The following AP3D1 variants were observed in gnomAD, a reference collection of about 807,000 sequenced individuals.
The protein encoded by AP3D1 is AP-3 complex subunit delta-1.
AP3D1 carries 51 observed loss-of-function variants against 147.6 expected under a neutral mutation model. The ratio of observed to expected loss-of-function variants is 0.35; its 90% CI spans 0.28 to 0.44. AP3D1 has a LOEUF of 0.44. Among genes scored for constraint, AP3D1 ranks in the 20% least tolerant of loss-of-function variants. The probability of loss-of-function intolerance (pLI) is 1.00; values close to 1 mark genes in which losing one functional copy is unlikely to be tolerated. For synonymous variants in AP3D1, 760 were observed against 663.0 expected (o/e 1.15, Z -2.25); for missense variants, 1,421 against 1,624.2 (o/e 0.87, Z 2.15).
chr19:2,142,282 G>C (rs934164446), intron 1 of AP3D1, among the ~76,000 whole-genome samples: 4 of 151,720 alleles, frequency 2.6e-5, no homozygotes, highest in African/African-American at 7.3e-5. Context: ...CAAAGTGCTG[G>C]GATTTACAGG....
chr19:2,118,499 C>T (rs747185310), intron 15 of AP3D1, 102 bp downstream of exon 15: 7 of 1,141,850 alleles, frequency 6.1e-6, no homozygotes, highest in Non-Finnish European at 8.6e-6. Flanking sequence ...CAGTGAGTGG[C>T]TTCGGAAGAG....
intron 26 of AP3D1, 181 bp from the exon 27 acceptor site, chr19:2,111,077 G>T: frequency 1.1e-6 from 1 of 910,570 alleles, no homozygotes; most frequent in Non-Finnish European, 1.6e-6. Flanking sequence ...AGTGCATGGC[G>T]GGGACCCTCC....
chr19:2,102,987 G>C (rs2018000885), intron 31 of AP3D1, among the ~76,000 whole-genome samples: 1 of 151,850 alleles, frequency 6.6e-6, no homozygotes, highest in Non-Finnish European at 1.5e-5. Flanking sequence ...GGCCAGGCCG[G>C]ATGGCTCATG....
chr19:2,106,245 C>A (rs910653635), intron 31 of AP3D1, among the ~76,000 whole-genome samples: 2 of 152,110 alleles, frequency 1.3e-5, no homozygotes, highest in African/African-American at 4.8e-5. Context: ...CAGGACCCAG[C>A]AATCACACTC....
At chr19:2,153,014 G>C (rs2144590038), upstream of AP3D1, among the ~76,000 whole-genome samples, 1 of 148,762 alleles carries the variant, frequency 6.7e-6, no homozygotes, top group South Asian at 2.2e-4. Context: ...CTTGAGCCCA[G>C]GAGATAAAGG....
chr19:2,139,002 C>A (rs1018363607), intron 1 of AP3D1, among the ~76,000 whole-genome samples: 3 of 140,050 alleles, frequency 2.1e-5, no homozygotes, highest in African/African-American at 8.1e-5. Flanking sequence ...AGAGGTTGCA[C>A]TGAGCCAAGA....
chr19:2,119,101 T>C (rs1490596981), intron 14 of AP3D1, among the ~76,000 whole-genome samples: 1 of 152,194 alleles, frequency 6.6e-6, no homozygotes, highest in African/African-American at 2.4e-5. Context: ...CGGGGTCAAC[T>C]GTGCAGCTGG....
chr19:2,109,320 T>C, intron 29 of AP3D1, 113 bp from the exon 30 acceptor site: 1 of 1,409,736 alleles, frequency 7.1e-7, no homozygotes. Flanking sequence ...CTCCTGTGTG[T>C]CTGGGCCGGG....
rs560534308 is a variant in AP3D1, at chr19:2,131,075, G to A, written c.463-538C>T. On this transcript the variant is annotated intron_variant, in intron 5 of 31. Transcript: ENST00000643116. ...AGCAGTCAGTGTTTTCAGCTTCATG[G>A]GCCAGACAGCCTCTGTCATGACCAC... Among the ~76,000 whole-genome samples, 4 of 152,342 alleles carry A rather than the reference G, an allele frequency of 2.6e-5. No individual in the cohort carries two copies. The East Asian group carries it at 7.7e-4, about 29-fold the overall frequency.
chr19:2,113,924 A>G (rs965723337), intron 22 of AP3D1, among the ~76,000 whole-genome samples: 2 of 152,052 alleles, frequency 1.3e-5, no homozygotes, highest in African/African-American at 2.4e-5. Context: ...GGTCCTCCTC[A>G]GTCTCCCCTG....
At chr19:2,116,895 T>C in intron 16 of AP3D1, 149 bp from the exon 17 acceptor site, 4 of 1,108,058 alleles carry the variant, frequency 3.6e-6, no homozygotes, top group South Asian at 1.7e-5. Flanking sequence ...GAGGCAGGTG[T>C]CACTGCCCCT....
intron 1 of AP3D1, among the ~76,000 whole-genome samples, chr19:2,162,330 C>CTGG (rs2019721214): frequency 7.1e-6 from 1 of 141,142 alleles, no homozygotes; most frequent in Admixed American, 6.9e-5. Flanking sequence ...GCCACCGCAC[C>CTGG]CGGCCCCTGT....
At position 2,157,441 on chromosome 19, in the gene AP3D1, C is replaced by CAA. The variant is rs137939397; in HGVS notation, c.-103+6913_-103+6914dup. Among the ~76,000 whole-genome samples the CAA allele has an allele frequency of 7.2e-3, 728 of 100,998 alleles. 32 individuals are homozygous for CAA. Among genetic ancestry groups the CAA allele is most frequent in the East Asian group, 0.033 (102 of 3,120 alleles). The allele number at this position is 100,998 out of a possible 152,430, so 66.3% of individuals were successfully genotyped here. ...TGGGCGACAGAGCGAGACTCCGTCT[C>CAA]AAAAAAAAAAAAAAAAAAAGAAAAA... On this transcript the variant is annotated intron_variant, in intron 1 of 14. Transcript: ENST00000643010.
intron 5 of AP3D1, among the ~76,000 whole-genome samples, chr19:2,131,799 C>T (rs562177194): frequency 4.2e-5 from 6 of 144,120 alleles, no homozygotes; most frequent in Admixed American, 1.4e-4. Flanking sequence ...CCGCGCCCAT[C>T]GGCCACGATC....
At chr19:2,140,873 C>G (rs981688993) in intron 1 of AP3D1, among the ~76,000 whole-genome samples, 2 of 150,296 alleles carry the variant, frequency 1.3e-5, no homozygotes, top group African/African-American at 4.9e-5. Context: ...ATTCTCCTGG[C>G]TCAGCCTCCT....
rs1207406614 is a variant in AP3D1, at chr19:2,114,056, G to A, written c.2601+69C>T. 1.4e-5 allele frequency: 21 copies of A among 1,502,592 alleles called. No homozygotes were observed. In the East Asian group the frequency reaches 1.7e-4, roughly 12 times the overall value. The allele number at this position is 1,502,592 out of a possible 1,614,324, so 93.1% of individuals were successfully genotyped here. The stretch of plus-strand genomic sequence containing the variant: ...CACAGCCATTTCCCCTGAGCTCACC[G>A]CTGTCTCCTGGGAGTTCACGGCAAG... On this transcript the variant is annotated intron_variant, in intron 22 of 31. Coordinates refer to ENST00000643116, the MANE Select transcript of AP3D1 (RefSeq NM_001261826.3).
At chr19:2,139,464 C>CA (rs2019163780) in intron 1 of AP3D1, among the ~76,000 whole-genome samples, 1 of 152,218 alleles carries the variant, frequency 6.6e-6, no homozygotes, top group African/African-American at 2.4e-5. Flanking sequence ...CCATCAAGGA[C>CA]AATTCTGACC....
At chr19:2,117,462 C>T (rs536931473) in intron 15 of AP3D1, 95 bp from the exon 16 acceptor site, 56 of 1,343,450 alleles carry the variant, frequency 4.2e-5, no homozygotes, top group Middle Eastern at 2.5e-4. Context: ...GGCACAGTGA[C>T]GTGTGGGCCC....
chr19:2,146,962 C>A (rs575363465), intron 1 of AP3D1, among the ~76,000 whole-genome samples: 2 of 152,264 alleles, frequency 1.3e-5, no homozygotes, highest in East Asian at 3.9e-4. Flanking sequence ...ATAGCTCTAC[C>A]CAGAGAATGA....
Sources: allele counts gnomAD v4.1 joint callset (sites outside exome capture counted in the v4.1 genomes callset), GRCh38; gene constraint gnomAD v4.1.1; transcripts MANE v1.5; gene names NCBI Gene and HGNC (gene_info 2026-07-23, HGNC 2026-07-21).